Variants in NUCKS1 observed in about 807,000 individuals in gnomAD.
NUCKS1 encodes nuclear ubiquitous casein and cyclin-dependent kinase substrate 1.
In NUCKS1, 2 loss-of-function variants were observed where a neutral mutation model predicts 33.0. The observed-to-expected ratio is 0.06, with a 90% CI of 0.02 to 0.19. NUCKS1 has a LOEUF of 0.19. NUCKS1 is among the 10% of genes least tolerant of loss of function. NUCKS1 has a pLI of 1.00. For synonymous variants in NUCKS1, 106 were observed against 102.8 expected (o/e 1.03, Z -0.19); for missense variants, 201 against 293.6 (o/e 0.68, Z 2.31).
chr1:205,748,648 T>C (rs897163863), intron 1 of NUCKS1, among the ~76,000 whole-genome samples: 1 of 152,184 alleles, frequency 6.6e-6, no homozygotes, highest in Non-Finnish European at 1.5e-5. Flanking sequence ...CGCAGTCTCA[T>C]ACCACCACCA....
At chr1:205,719,848 T>C in intron 5 of NUCKS1, 172 bp from the exon 6 acceptor site, 1 of 602,452 alleles carries the variant, frequency 1.7e-6, no homozygotes, top group Non-Finnish European at 2.7e-6. Context: ...GCCTCATTTG[T>C]CAAATGGATT....
chr1:205,728,284 T>C (rs1653825751), intron 2 of NUCKS1, among the ~76,000 whole-genome samples: 1 of 152,000 alleles, frequency 6.6e-6, no homozygotes. Flanking sequence ...TAAAAGGAAA[T>C]TATTTCCAAA....
intron 1 of NUCKS1, among the ~76,000 whole-genome samples, chr1:205,732,779 C>CAAAAAAAAAAAAAAAAAAAAAAA (rs59760552): frequency 2.3e-4 from 17 of 74,000 alleles, no homozygotes; most frequent in African/African-American, 8.8e-4. Flanking sequence ...GACTCTGTCT[C>CAAAAAAAAAAAAAAAAAAAAAAA]AAAAAAAAAA....
chr1:205,726,013 A>G (rs1653765926), intron 3 of NUCKS1, among the ~76,000 whole-genome samples: 1 of 152,192 alleles, frequency 6.6e-6, no homozygotes, highest in African/African-American at 2.4e-5. Flanking sequence ...AGCCTAGCCA[A>G]CACTGTGAAA....
rs1671826695 is a variant in NUCKS1 at position 205,716,660 on chromosome 1, T to G, written c.*1620A>C. On this transcript the variant is annotated 3_prime_UTR_variant, in exon 7 of 7. Transcript: ENST00000367142. Reference sequence around the variant, plus strand: ...CCTAGTAAACCACAAAGTAGGATATTGAGGAAGCAAATCTAGATTAAAAGG... The same window carrying G: ...CCTAGTAAACCACAAAGTAGGATATGGAGGAAGCAAATCTAGATTAAAAGG... The G allele has an allele frequency of 1.3e-5, 2 of 152,172 alleles. No homozygotes were observed. Among genetic ancestry groups the G allele is most frequent in the Admixed American group, 1.3e-4 (2 of 15,268 alleles). 9.4% of individuals were successfully genotyped at this position (152,172 alleles called of 1,614,324 possible).
chr1:205,731,239 T>C (rs1442857202), intron 1 of NUCKS1: 1 of 152,222 alleles, frequency 6.6e-6, no homozygotes, highest in East Asian at 1.9e-4. Flanking sequence ...GCAACATTTA[T>C]AAAACTAGAC....
At position 205,718,408 on chromosome 1, in the gene NUCKS1, T is replaced by C; in HGVS notation, c.604A>G (p.Thr202Ala). 2 of 1,613,102 alleles carry C rather than the reference T, an allele frequency of 1.2e-6. No homozygotes were observed. The highest frequency in any genetic ancestry group is 1.7e-6 in the Non-Finnish European group (2 of 1,179,948). The change falls in exon 7 of 7, where the codon ACT becomes GCT. Residue 202 changes from threonine to alanine, a missense_variant. Thr to Ala is a moderately conservative substitution (Grantham distance 58). Coordinates refer to ENST00000367142, the MANE Select transcript of NUCKS1 (RefSeq NM_022731.5). ...TCATCTTCTTCTTTGGGAGAAGGAG[T>C]CTTTTCCTTTGATGCCTTTGAAGCT... ...PTASKASKEK[T>A]PSPKEEDEEP...
chr1:205,741,133 T>A (rs1426301187), intron 1 of NUCKS1, among the ~76,000 whole-genome samples: 1 of 150,912 alleles, frequency 6.6e-6, no homozygotes, highest in Non-Finnish European at 1.5e-5. Context: ...AGCCCGTCTC[T>A]ACTAAAAATA....
chr1:205,746,338 A>C (rs1426093308), intron 1 of NUCKS1, among the ~76,000 whole-genome samples: 1 of 152,184 alleles, frequency 6.6e-6, no homozygotes, highest in Non-Finnish European at 1.5e-5. Context: ...ATTGTAAATT[A>C]TGTATCTTTG....
chr1:205,730,059 T>C (rs1249428445), intron 1 of NUCKS1, among the ~76,000 whole-genome samples: 1 of 151,972 alleles, frequency 6.6e-6, no homozygotes, highest in Admixed American at 6.6e-5. Flanking sequence ...GAAAATTATT[T>C]AATTAATTTT....
At chr1:205,726,200 AAAACAAAC>A (rs536856854) in intron 3 of NUCKS1, among the ~76,000 whole-genome samples, 2 of 152,120 alleles carry the variant, frequency 1.3e-5, no homozygotes, top group African/African-American at 2.4e-5. Flanking sequence ...ACTGCCTCAA[AAAACAAAC>A]AAACAAACAA....
rs1223596016 is a variant in NUCKS1 at position 205,717,450 on chromosome 1, A to G, written c.*830T>C. ...TTTATCCAAAAAACAGGATACATAT[A>G]TATTTAGAGAAGGAAATATGAAATC... On this transcript the variant is annotated 3_prime_UTR_variant, in exon 7 of 7. Transcript: ENST00000367142. The G allele has an allele frequency of 3.1e-6, 3 of 982,406 alleles. No homozygotes were observed. Among genetic ancestry groups the G allele is most frequent in the Non-Finnish European group, 3.6e-6 (3 of 828,246 alleles). 60.9% of individuals were successfully genotyped at this position (982,406 alleles called of 1,614,324 possible).
At chr1:205,747,063 T>G (rs1299088342) in intron 1 of NUCKS1, among the ~76,000 whole-genome samples, 1 of 152,202 alleles carries the variant, frequency 6.6e-6, no homozygotes, top group African/African-American at 2.4e-5. Context: ...CAAAGTTGAC[T>G]CATGAAAGCA....
Position 205,715,970 on chromosome 1 carries a change from TAA to T in NUCKS1, c.*2308_*2309del, listed in dbSNP as rs1044253782. ...AGACTAGAGTGTTTTAAATCATCAA[TAA>T]AAAGTGGAGAAAACAAAGGTTATTC... On this transcript the variant is annotated 3_prime_UTR_variant, in exon 7 of 7. Transcript: ENST00000367142. 1 of 152,140 alleles carries T rather than the reference TAA, an allele frequency of 6.6e-6. No homozygotes were observed. Among genetic ancestry groups the T allele is most frequent in the Non-Finnish European group, 1.5e-5 (1 of 68,030 alleles). 9.4% of individuals were successfully genotyped at this position (152,140 alleles called of 1,614,324 possible). A position where few individuals can be genotyped will look rare whatever the true frequency, so the allele number is the denominator to read the frequency against.
chr1:205,716,630 A>G lies in NUCKS1; in HGVS notation c.*1650T>C, dbSNP rs533749359. Reference sequence around the variant, plus strand: ...TTTTTAAAAAAAGATCAGAGTAAGCATGTTCCTAGTAAACCACAAAGTAGG... The same window carrying G: ...TTTTTAAAAAAAGATCAGAGTAAGCGTGTTCCTAGTAAACCACAAAGTAGG... On this transcript the variant is annotated 3_prime_UTR_variant, in exon 7 of 7. Coordinates refer to ENST00000367142, the MANE Select transcript of NUCKS1 (RefSeq NM_022731.5). 4 of 152,350 alleles carry G rather than the reference A, an allele frequency of 2.6e-5. No homozygotes were observed. In the South Asian group the frequency reaches 8.3e-4, roughly 32 times the overall value. 9.4% of individuals were successfully genotyped at this position (152,350 alleles called of 1,614,324 possible). A position where few individuals can be genotyped will look rare whatever the true frequency, so the allele number is the denominator to read the frequency against.
chr1:205,727,674 A>C, intron 3 of NUCKS1, 26 bp downstream of exon 3: 1 of 1,440,148 alleles, frequency 6.9e-7, no homozygotes, highest in East Asian at 2.3e-5. Flanking sequence ...CAGTGTAAGC[A>C]GGAACAGAAA....
intron 4 of NUCKS1, among the ~76,000 whole-genome samples, chr1:205,723,570 T>C (rs1361297859): frequency 6.6e-6 from 1 of 152,180 alleles, no homozygotes; most frequent in Admixed American, 6.5e-5. Flanking sequence ...AAGTTTTATA[T>C]TTATATATTA....
rs140892037 is a variant in NUCKS1 at position 205,722,471 on chromosome 1, G to C, written c.229+1455C>G. Among the ~76,000 whole-genome samples, 1,117 of 152,248 alleles carry C rather than the reference G, an allele frequency of 7.3e-3. 18 individuals are homozygous for C. The highest frequency in any genetic ancestry group is 0.025 in the African/African-American group (1,058 of 41,548). ...GGAGTTTTGCCATGTTGGCCAGGCT[G>C]GTCTCGAACTCCTGACCTCAGGTGA... On this transcript the variant is annotated intron_variant, in intron 4 of 6. Coordinates refer to ENST00000367142, the MANE Select transcript of NUCKS1 (RefSeq NM_022731.5).
chr1:205,746,978 T>C (rs1350031804), intron 1 of NUCKS1, among the ~76,000 whole-genome samples: 3 of 152,250 alleles, frequency 2.0e-5, no homozygotes, highest in Non-Finnish European at 4.4e-5. Flanking sequence ...ATCTGGTTTC[T>C]AGTTTGGGCA....
Sources: gnomAD v4.1 joint callset for allele counts (sites outside exome capture counted in the v4.1 genomes callset) on GRCh38, gnomAD v4.1.1 for gene constraint, MANE v1.5 for transcripts, NCBI Gene and HGNC (gene_info 2026-07-23, HGNC 2026-07-21) for gene names.